The following GRID2 variants were observed in gnomAD, a reference collection of about 807,000 sequenced individuals.
GRID2 encodes glutamate receptor ionotropic, delta-2.
In GRID2, 33 loss-of-function variants were observed where a neutral mutation model predicts 114.8. The ratio of observed to expected loss-of-function variants is 0.29; its 90% CI spans 0.22 to 0.38. GRID2 has a LOEUF of 0.38. Among genes scored for constraint, GRID2 ranks in the 10% least tolerant of loss-of-function variants. GRID2 has a pLI of 1.00. For missense variants in GRID2, 1,184 were observed against 1,257.7 expected, an observed-to-expected ratio of 0.94 and a Z score of 0.89; for synonymous variants, 505 against 449.9, an observed-to-expected ratio of 1.12 and a Z score of -1.55.
chr4:93,294,229 T>G (rs1754048506), intron 8 of GRID2, among the ~76,000 whole-genome samples: 1 of 152,018 alleles, frequency 6.6e-6, no homozygotes, highest in African/African-American at 2.4e-5. Flanking sequence ...AAGATGAGTG[T>G]GGTTGTGTCT....
At chr4:92,806,845 T>G (rs183200193) in intron 2 of GRID2, among the ~76,000 whole-genome samples, 6 of 152,030 alleles carry the variant, frequency 3.9e-5, no homozygotes, top group Admixed American at 3.9e-4. Context: ...CAATTGAAAT[T>G]GAAGGTTATA....
intron 13 of GRID2, among the ~76,000 whole-genome samples, chr4:93,600,632 A>G (rs1739577772): frequency 6.6e-6 from 1 of 152,192 alleles, no homozygotes; most frequent in Non-Finnish European, 1.5e-5. Context: ...AATGCGTAAA[A>G]ACTACTTTGG....
intron 8 of GRID2, among the ~76,000 whole-genome samples, chr4:93,258,013 C>G (rs1458503843): frequency 6.7e-6 from 1 of 149,386 alleles, no homozygotes; most frequent in Non-Finnish European, 1.5e-5. Flanking sequence ...CACACACACA[C>G]ACACACACAC....
intron 2 of GRID2, among the ~76,000 whole-genome samples, chr4:92,987,362 A>G (rs1191392888): frequency 6.6e-6 from 1 of 152,148 alleles, no homozygotes; most frequent in East Asian, 1.9e-4. Context: ...ATTGTAGTGC[A>G]GCCTAAATGG....
intron 4 of GRID2, among the ~76,000 whole-genome samples, chr4:93,137,476 A>G (rs1735367431): frequency 6.6e-6 from 1 of 152,132 alleles, no homozygotes. Flanking sequence ...AGGAACCTAT[A>G]GGACAGCTCT....
chr4:92,942,452 C>T (rs551105626), intron 2 of GRID2, among the ~76,000 whole-genome samples: 13 of 152,232 alleles, frequency 8.5e-5, no homozygotes, highest in Non-Finnish European at 1.8e-4. Context: ...TTATTTTGAG[C>T]CTGTGTGTGT....
chr4:93,148,859 T>C (rs1164827702), intron 4 of GRID2, among the ~76,000 whole-genome samples: 4 of 152,102 alleles, frequency 2.6e-5, no homozygotes, highest in Non-Finnish European at 4.4e-5. Context: ...AAGCAAGTAA[T>C]ATAGAAACAT....
At chr4:92,695,571 GT>G (rs1328276652) in intron 2 of GRID2, among the ~76,000 whole-genome samples, 2 of 151,824 alleles carry the variant, frequency 1.3e-5, no homozygotes, top group African/African-American at 4.8e-5. Flanking sequence ...GATTTAGTGT[GT>G]GATAATGTGA....
chr4:93,470,271 T>C (rs1020623249), intron 11 of GRID2, among the ~76,000 whole-genome samples: 1 of 152,172 alleles, frequency 6.6e-6, no homozygotes, highest in Non-Finnish European at 1.5e-5. Flanking sequence ...ACAGTACATA[T>C]TTAACTGATG....
intron 10 of GRID2, among the ~76,000 whole-genome samples, chr4:93,424,062 C>T (rs1768600441): frequency 6.6e-6 from 1 of 151,990 alleles, no homozygotes; most frequent in Non-Finnish European, 1.5e-5. Flanking sequence ...TAATATTGTA[C>T]TACTTCACAT....
intron 13 of GRID2, among the ~76,000 whole-genome samples, chr4:93,535,861 G>A (rs796320667): frequency 2.0e-5 from 3 of 152,088 alleles, no homozygotes; most frequent in South Asian, 2.1e-4. Context: ...GCTTCACTCT[G>A]TTGATTGTTT....
At chr4:92,529,195 A>G (rs1725205485) in intron 1 of GRID2, among the ~76,000 whole-genome samples, 1 of 152,052 alleles carries the variant, frequency 6.6e-6, no homozygotes, top group Non-Finnish European at 1.5e-5. Context: ...TACTTATCAT[A>G]TATAGAAAGG....
chr4:93,496,180 G>T (rs1351857744), intron 12 of GRID2, among the ~76,000 whole-genome samples: 1 of 150,804 alleles, frequency 6.6e-6, no homozygotes, highest in Non-Finnish European at 1.5e-5. Context: ...GATGTCGAAG[G>T]ACAAAGCATT....
At chr4:93,149,732 C>A (rs575873059) in intron 4 of GRID2, among the ~76,000 whole-genome samples, 12 of 152,060 alleles carry the variant, frequency 7.9e-5, no homozygotes, top group Admixed American at 7.2e-4. Flanking sequence ...CTTCTAGGCT[C>A]AAATGATTCT....
rs1032441005 is a variant in GRID2, at chr4:92,452,803, G to A, written c.89-137328G>A. 1.0e-4 allele frequency among the ~76,000 whole-genome samples: 15 copies of A among 145,034 alleles called. No individual in the cohort carries two copies. The East Asian group carries it at 2.6e-3, about 25-fold the overall frequency. On this transcript the variant is annotated intron_variant, in intron 1 of 15. Coordinates refer to ENST00000282020, the MANE Select transcript of GRID2 (RefSeq NM_001510.4). ...TAGATAGCAAATATATATGATACAT[G>A]TATATATAATATATGTTTACCATAT...
chr4:93,408,236 A>G (rs1235323806), intron 9 of GRID2, among the ~76,000 whole-genome samples: 1 of 152,194 alleles, frequency 6.6e-6, no homozygotes, highest in African/African-American at 2.4e-5. Flanking sequence ...TTGTTTTATC[A>G]GTCTCAGGGA....
intron 8 of GRID2, among the ~76,000 whole-genome samples, chr4:93,356,445 C>T (rs1761345309): frequency 6.6e-6 from 1 of 151,588 alleles, no homozygotes. Context: ...CTTTAAGAAC[C>T]ACTAATTTTT....
chr4:93,707,947 C>A (rs944565537), intron 14 of GRID2, among the ~76,000 whole-genome samples: 3 of 151,812 alleles, frequency 2.0e-5, no homozygotes, highest in Non-Finnish European at 4.4e-5. Flanking sequence ...TTCATTGACC[C>A]CACTGATCAT....
At chr4:93,410,096 C>G (rs1242185047) in intron 9 of GRID2, among the ~76,000 whole-genome samples, 1 of 152,102 alleles carries the variant, frequency 6.6e-6, no homozygotes, top group African/African-American at 2.4e-5. Flanking sequence ...TATCTACCCT[C>G]AAGTTTCAGT....
Sources: allele counts gnomAD v4.1 joint callset (sites outside exome capture counted in the v4.1 genomes callset), GRCh38; gene constraint gnomAD v4.1.1; transcripts MANE v1.5; gene names NCBI Gene and HGNC (gene_info 2026-07-23, HGNC 2026-07-21).